The following L3MBTL3 variants were observed in gnomAD, a reference collection of about 807,000 sequenced individuals.
The protein encoded by L3MBTL3 is lethal(3)malignant brain tumor-like protein 3.
In L3MBTL3, 27 loss-of-function variants were observed where a neutral mutation model predicts 102.3. That is an observed-to-expected ratio of 0.26 (90% CI 0.19 to 0.36). The LOEUF is 0.36. L3MBTL3 is among the 10% of genes least tolerant of loss of function. The probability of loss-of-function intolerance (pLI) is 1.00; values close to 1 mark genes in which losing one functional copy is unlikely to be tolerated. For synonymous variants in L3MBTL3, 340 were observed against 320.9 expected (o/e 1.06, Z -0.64); for missense variants, 798 against 955.3 (o/e 0.84, Z 2.17).
rs753906788 is a variant in L3MBTL3, at chr6:130,133,830, T to C, written c.2137-13T>C. 10 of 1,607,230 alleles carry C rather than the reference T, an allele frequency of 6.2e-6. No individual in the cohort carries two copies. In the Admixed American group the frequency reaches 6.7e-5, roughly 11 times the overall value. The stretch of plus-strand genomic sequence containing the variant: ...TGTTTTTTAACTGGGAATTTTGATA[T>C]TGCTTTTGACAGGTGTCAGAATTTA... On this transcript the variant is annotated splice_polypyrimidine_tract_variant and intron_variant, in intron 21 of 22. Coordinates refer to ENST00000361794, the MANE Select transcript of L3MBTL3 (RefSeq NM_032438.4). The surrounding 1 kb of genome is among the most constrained non-coding windows in gnomAD (Gnocchi z 4.9).
intron 19 of L3MBTL3, among the ~76,000 whole-genome samples, chr6:130,111,340 T>C (rs1785334376): frequency 1.3e-5 from 2 of 152,254 alleles, no homozygotes; most frequent in South Asian, 4.1e-4. Flanking sequence ...GAAACACCAA[T>C]TTCCTTGAAC....
intron 18 of L3MBTL3, among the ~76,000 whole-genome samples, chr6:130,103,489 A>G (rs1382818071): frequency 6.6e-6 from 1 of 152,124 alleles, no homozygotes; most frequent in African/African-American, 2.4e-5. Context: ...CTGGGTGATT[A>G]TCAACATTCT....
At chr6:130,021,157 A>G (rs1014507944) in intron 1 of L3MBTL3, among the ~76,000 whole-genome samples, 1 of 152,126 alleles carries the variant, frequency 6.6e-6, no homozygotes, top group Non-Finnish European at 1.5e-5. Context: ...AGTAGAGAGC[A>G]TTTCTCCGGA....
intron 12 of L3MBTL3, 56 bp downstream of exon 12, chr6:130,068,477 A>C: frequency 1.1e-6 from 1 of 873,450 alleles, no homozygotes; most frequent in Non-Finnish European, 1.9e-6. Flanking sequence ...TGAGTGTCTC[A>C]TAGGATCAAT....
intron 14 of L3MBTL3, among the ~76,000 whole-genome samples, chr6:130,080,106 C>T (rs1783228505): frequency 6.6e-6 from 1 of 151,560 alleles, no homozygotes; most frequent in Non-Finnish European, 1.5e-5. Flanking sequence ...AATTTTAAGT[C>T]AGCCAGGTGA....
chr6:130,083,494 A>G, intron 14 of L3MBTL3, 126 bp from the exon 15 acceptor site: 2 of 462,912 alleles, frequency 4.3e-6, no homozygotes, highest in South Asian at 3.7e-5. Context: ...ATGTGTGAGT[A>G]AAGTTGTCAT....
intron 20 of L3MBTL3, among the ~76,000 whole-genome samples, chr6:130,125,292 A>G (rs573037620): frequency 4.5e-4 from 68 of 152,332 alleles, no homozygotes; most frequent in African/African-American, 1.5e-3. Flanking sequence ...TGCCTTTAAC[A>G]TGAATTTTAA....
At position 130,086,200 on chromosome 6, in the gene L3MBTL3, A is replaced by G. The variant is rs374456402; in HGVS notation, c.1468A>G (p.Met490Val). ...KLEVVDKRNP[M>V]FIRVATVADT... ...TGAGGTTGTAGACAAAAGGAACCCT[A>G]TGTTTATTAGAGTAGCAACTGTGGC... Residue 490 changes from methionine to valine, a missense_variant, in exon 16 of 23, where the codon ATG (methionine) becomes GTG (valine). This residue lies in a region of L3MBTL3 where 306 missense variants were observed against 314.4 expected (regional missense o/e 0.97). Coordinates refer to ENST00000361794, the MANE Select transcript of L3MBTL3 (RefSeq NM_032438.4). 2.4e-5 allele frequency: 38 copies of G among 1,613,296 alleles called. No individual in the cohort carries two copies. The Admixed American group carries it at 3.8e-4, about 16-fold the overall frequency.
rs534231999 is a variant in L3MBTL3, at chr6:130,077,252, A to T, written c.1245-1306A>T. ...TTAGGAAAACACTAGGATATCTGGA[A>T]GTAGAGCTCCATAGCCTTGTTTGTA... On this transcript the variant is annotated intron_variant, in intron 13 of 22. Transcript: ENST00000361794. 1.8e-4 allele frequency among the ~76,000 whole-genome samples: 28 copies of T among 152,310 alleles called. No homozygotes were observed. The South Asian group carries it at 5.6e-3, about 30-fold the overall frequency.
intron 9 of L3MBTL3, among the ~76,000 whole-genome samples, chr6:130,058,767 T>G (rs1781694987): frequency 6.6e-6 from 1 of 152,218 alleles, no homozygotes; most frequent in Non-Finnish European, 1.5e-5. Context: ...TATGTTCCAG[T>G]AAGATTGTTT....
intron 7 of L3MBTL3, among the ~76,000 whole-genome samples, chr6:130,053,788 C>A (rs574022104): frequency 3.3e-5 from 5 of 152,162 alleles, no homozygotes; most frequent in African/African-American, 4.8e-5. Flanking sequence ...GAAAAGGGAA[C>A]TTTGAGATCT....
At chr6:130,126,253 G>A (rs929128145) in intron 20 of L3MBTL3, among the ~76,000 whole-genome samples, 3 of 152,048 alleles carry the variant, frequency 2.0e-5, no homozygotes, top group African/African-American at 7.2e-5. Context: ...GTATGGTTTT[G>A]TTTTCCCTTC....
At chr6:130,059,997 G>T in intron 9 of L3MBTL3, 39 bp from the exon 10 acceptor site, 1 of 1,109,332 alleles carries the variant, frequency 9.0e-7, no homozygotes, top group Non-Finnish European at 1.4e-6. Context: ...ATAGGGCTTT[G>T]GGATAAGGGA....
At chr6:130,083,141 T>TA (rs1783470861) in intron 14 of L3MBTL3, among the ~76,000 whole-genome samples, 1 of 152,218 alleles carries the variant, frequency 6.6e-6, no homozygotes, top group Non-Finnish European at 1.5e-5. Flanking sequence ...AATATGAAGT[T>TA]ATATCTGGAA....
chr6:130,062,976 C>G (rs994132353), intron 10 of L3MBTL3, among the ~76,000 whole-genome samples: 9 of 144,404 alleles, frequency 6.2e-5, no homozygotes, highest in Non-Finnish European at 1.3e-4. Flanking sequence ...CTCCCTCCTT[C>G]CCTTCTTGCC....
chr6:130,105,078 C>A (rs1047371955), intron 19 of L3MBTL3, among the ~76,000 whole-genome samples: 4 of 151,998 alleles, frequency 2.6e-5, no homozygotes, highest in African/African-American at 9.7e-5. Context: ...GAATGTTTAA[C>A]CCCAGTGGTT....
At chr6:130,136,508 A>G (rs1417999183) in intron 22 of L3MBTL3, among the ~76,000 whole-genome samples, 1 of 152,118 alleles carries the variant, frequency 6.6e-6, no homozygotes, top group African/African-American at 2.4e-5. Flanking sequence ...CAGCTTGCCA[A>G]TTAGTCCTGC....
At chr6:130,019,091 G>A (rs1778748952) in intron 1 of L3MBTL3, among the ~76,000 whole-genome samples, 1 of 151,992 alleles carries the variant, frequency 6.6e-6, no homozygotes, top group South Asian at 2.1e-4. Flanking sequence ...GAGCCGGGGC[G>A]AGGCGGCCGC....
chr6:130,030,746 G>A (rs1287378071), intron 2 of L3MBTL3, among the ~76,000 whole-genome samples: 1 of 140,552 alleles, frequency 7.1e-6, no homozygotes, highest in East Asian at 2.3e-4. Flanking sequence ...ACATTAAGTT[G>A]TCTTCTAGGT....
Sources: gnomAD v4.1 joint callset for allele counts (sites outside exome capture counted in the v4.1 genomes callset) on GRCh38, gnomAD v4.1.1 for gene constraint, gnomAD v4.1.1 regional missense constraint, Gnocchi (gnomAD v3.1) non-coding constraint, MANE v1.5 for transcripts, NCBI Gene and HGNC (gene_info 2026-07-23, HGNC 2026-07-21) for gene names.